The following VAMP7 variants were observed in gnomAD, a reference collection of about 807,000 sequenced individuals.
VAMP7 encodes vesicle associated membrane protein 7.
A neutral mutation model predicts 29.6 loss-of-function variants in VAMP7; 14 were observed. That is an observed-to-expected ratio of 0.47 (90% CI 0.31 to 0.74). The LOEUF (loss-of-function observed/expected upper bound fraction) is 0.74, where lower values mean the gene tolerates loss of function less well. Among genes scored for constraint, VAMP7 ranks in the 30% least tolerant of loss-of-function variants. VAMP7 has a pLI of 0.05. For missense variants in VAMP7, 223 were observed against 262.4 expected, an observed-to-expected ratio of 0.85 and a Z score of 1.04; for synonymous variants, 95 against 88.1, an observed-to-expected ratio of 1.08 and a Z score of -0.44.
chrX:155,918,714 G>A (rs1246152732), intron 5 of VAMP7, among the ~76,000 whole-genome samples: 1 of 152,154 alleles, frequency 6.6e-6, no homozygotes, highest in Non-Finnish European at 1.5e-5. Flanking sequence ...CTTCTGCATT[G>A]ATTTCACTGG....
intron 5 of VAMP7, among the ~76,000 whole-genome samples, chrX:155,906,733 A>G (rs1034956564): frequency 1.3e-5 from 2 of 152,112 alleles, no homozygotes; most frequent in African/African-American, 2.4e-5. Context: ...GATTTTCTCT[A>G]TATAGAATCA....
chrX:155,910,663 A>G (rs1175092560), intron 5 of VAMP7, among the ~76,000 whole-genome samples: 2 of 151,564 alleles, frequency 1.3e-5, no homozygotes, highest in South Asian at 4.2e-4. Flanking sequence ...CTGGGGTAAC[A>G]TGATATCTCA....
intron 4 of VAMP7, among the ~76,000 whole-genome samples, chrX:155,899,557 C>CAT (rs1283494831): frequency 3.3e-5 from 5 of 151,678 alleles, no homozygotes; most frequent in East Asian, 1.9e-4. Flanking sequence ...CACACACACA[C>CAT]GCACACACAT....
In VAMP7 at chrX:155,890,809, C is replaced by A. The variant is rs578037527; in HGVS notation, c.146+1197C>A. Reference sequence around the variant, plus strand: ...TTTCTTACTTAACCCAGCCTTACTTCCTTAGTTCTTATCTCAGAATGAGGT... The same window carrying A: ...TTTCTTACTTAACCCAGCCTTACTTACTTAGTTCTTATCTCAGAATGAGGT... On this transcript the variant is annotated intron_variant, in intron 2 of 7. Coordinates refer to ENST00000286448, the MANE Select transcript of VAMP7 (RefSeq NM_005638.6). Among the ~76,000 whole-genome samples, 215 of 152,310 alleles carry A rather than the reference C, an allele frequency of 1.4e-3. 1 individual carries two copies. Among genetic ancestry groups the A allele is most frequent in the African/African-American group, 4.9e-3 (205 of 41,570 alleles).
intron 4 of VAMP7, among the ~76,000 whole-genome samples, chrX:155,900,155 CT>C (rs1204320329): frequency 6.6e-6 from 1 of 151,948 alleles, no homozygotes; most frequent in African/African-American, 2.4e-5. Flanking sequence ...CTACAGTCTT[CT>C]TTTTCTCCTT....
intron 2 of VAMP7, among the ~76,000 whole-genome samples, chrX:155,894,228 C>T (rs1489327412): frequency 4.0e-5 from 6 of 151,352 alleles, no homozygotes; most frequent in East Asian, 1.9e-4. Flanking sequence ...ATTTCTTACC[C>T]GGTATACTGC....
At chrX:155,906,703 C>G (rs1325274601) in intron 5 of VAMP7, among the ~76,000 whole-genome samples, 1 of 152,026 alleles carries the variant, frequency 6.6e-6, no homozygotes, top group Non-Finnish European at 1.5e-5. Flanking sequence ...GTTCTAATAG[C>G]TTTTTAATAG....
chrX:155,928,082 T>G (rs2066497259), intron 6 of VAMP7, among the ~76,000 whole-genome samples: 1 of 151,688 alleles, frequency 6.6e-6, no homozygotes. Context: ...GCCATCACAC[T>G]TAGCTAATTT....
At chrX:155,884,240 G>A (rs62609098) in intron 1 of VAMP7, among the ~76,000 whole-genome samples, 17,428 of 151,758 alleles carry the variant, frequency 0.11, 1,372 homozygotes, top group South Asian at 0.24. Flanking sequence ...CGATTCTCCT[G>A]CCTCAGCCTC....
chrX:155,905,394 G>A (rs960538059), intron 5 of VAMP7, among the ~76,000 whole-genome samples: 6 of 151,928 alleles, frequency 3.9e-5, no homozygotes, highest in African/African-American at 1.4e-4. Flanking sequence ...TCTTGATGGT[G>A]TTCTTTGAAG....
At chrX:155,896,683 C>T (rs2065992095) in intron 3 of VAMP7, among the ~76,000 whole-genome samples, 1 of 152,074 alleles carries the variant, frequency 6.6e-6, no homozygotes. Flanking sequence ...CTTTTCCCAG[C>T]TGCATGCCCT....
At chrX:155,906,244 C>T (rs2066144915) in intron 5 of VAMP7, among the ~76,000 whole-genome samples, 1 of 152,126 alleles carries the variant, frequency 6.6e-6, no homozygotes, top group Non-Finnish European at 1.5e-5. Context: ...GATCAAGTTC[C>T]TTGTCCCCTA....
At chrX:155,908,477 G>T (rs1042781089) in intron 5 of VAMP7, among the ~76,000 whole-genome samples, 1 of 152,116 alleles carries the variant, frequency 6.6e-6, no homozygotes, top group Admixed American at 6.5e-5. Context: ...GCAGTGAGCC[G>T]AGATAGCAGT....
intron 1 of VAMP7, among the ~76,000 whole-genome samples, chrX:155,886,473 A>C (rs753501436): frequency 1.6e-4 from 25 of 152,318 alleles, no homozygotes; most frequent in African/African-American, 5.1e-4. Context: ...CTACTTGCGT[A>C]TAACTTATAT....
intron 5 of VAMP7, among the ~76,000 whole-genome samples, chrX:155,906,582 G>T (rs745445308): frequency 6.6e-6 from 1 of 152,006 alleles, no homozygotes; most frequent in Non-Finnish European, 1.5e-5. Context: ...TTATGCTATT[G>T]TAAATGGAAT....
intron 5 of VAMP7, among the ~76,000 whole-genome samples, chrX:155,917,047 G>A (rs909796304): frequency 2.6e-5 from 4 of 152,036 alleles, no homozygotes; most frequent in Non-Finnish European, 4.4e-5. Flanking sequence ...TGGAGCCTTT[G>A]TTCATTCCTT....
intron 3 of VAMP7, 39 bp from the exon 4 acceptor site, chrX:155,898,073 T>G (rs760757781): frequency 1.3e-6 from 2 of 1,599,172 alleles, no homozygotes; most frequent in African/African-American, 2.7e-5. Flanking sequence ...CATCTTTGTT[T>G]ACTTTCTAAA....
intron 2 of VAMP7, among the ~76,000 whole-genome samples, chrX:155,895,138 G>T (rs1260141710): frequency 2.0e-5 from 3 of 152,162 alleles, no homozygotes; most frequent in Non-Finnish European, 4.4e-5. Context: ...TCCCTATGAA[G>T]ACTGGGACTT....
At chrX:155,899,246 T>C (rs1246533903) in intron 4 of VAMP7, among the ~76,000 whole-genome samples, 1 of 152,028 alleles carries the variant, frequency 6.6e-6, no homozygotes, top group Non-Finnish European at 1.5e-5. Flanking sequence ...TGTACCATTT[T>C]ATATTCTCAC....
Sources: gnomAD v4.1 joint callset for allele counts (sites outside exome capture counted in the v4.1 genomes callset) on GRCh38, gnomAD v4.1.1 for gene constraint, MANE v1.5 for transcripts, NCBI Gene and HGNC (gene_info 2026-07-23, HGNC 2026-07-21) for gene names.